RASGEF1B: variants seen among roughly 807,000 people sequenced by gnomAD.
The protein encoded by RASGEF1B is ras-GEF domain-containing family member 1B.
A neutral mutation model predicts 65.7 loss-of-function variants in RASGEF1B; 30 were observed. That is an observed-to-expected ratio of 0.46 (90% CI 0.34 to 0.62). The LOEUF (loss-of-function observed/expected upper bound fraction) is 0.62, where lower values mean the gene tolerates loss of function less well. RASGEF1B is among the 20% of genes least tolerant of loss of function. The pLI is 0.01. For missense variants in RASGEF1B, 495 were observed against 580.1 expected (o/e 0.85, Z 1.51); for synonymous variants, 175 against 194.8 (o/e 0.90, Z 0.85).
At chr4:81,458,272 G>A (rs1722520878) in intron 2 of RASGEF1B, among the ~76,000 whole-genome samples, 1 of 152,184 alleles carries the variant, frequency 6.6e-6, no homozygotes, top group South Asian at 2.1e-4. Context: ...GTGCTTATTT[G>A]TTATAATAAT....
chr4:81,431,441 C>T (rs1721426450), intron 13 of RASGEF1B, among the ~76,000 whole-genome samples: 1 of 152,014 alleles, frequency 6.6e-6, no homozygotes, highest in Non-Finnish European at 1.5e-5. Context: ...GATAAGAATT[C>T]CAATGCCTTC....
At chr4:81,427,958 T>C (rs536377330) in intron 13 of RASGEF1B, among the ~76,000 whole-genome samples, 166 bp from the exon 14 acceptor site, 6 of 152,328 alleles carry the variant, frequency 3.9e-5, no homozygotes, top group Admixed American at 2.0e-4. Flanking sequence ...CTATTGGCTC[T>C]CTGGGAAAAC....
chr4:81,453,506 G>A (rs1722339967), intron 4 of RASGEF1B: 1 of 152,194 alleles, frequency 6.6e-6, no homozygotes, highest in Non-Finnish European at 1.5e-5. Flanking sequence ...GTCTATATGT[G>A]TTCAGTACAG....
intron 10 of RASGEF1B, among the ~76,000 whole-genome samples, chr4:81,438,923 T>G (rs1411736483): frequency 6.6e-6 from 1 of 152,196 alleles, no homozygotes; most frequent in Non-Finnish European, 1.5e-5. Flanking sequence ...TATGGCTGCA[T>G]AGTATTCCAT....
intron 1 of RASGEF1B, among the ~76,000 whole-genome samples, chr4:81,471,423 G>A (rs1723018772): frequency 6.6e-6 from 1 of 152,214 alleles, no homozygotes; most frequent in Non-Finnish European, 1.5e-5. Flanking sequence ...AAGAGGGAAG[G>A]CACAACCCAA....
chr4:81,445,754 CT>C lies in RASGEF1B; in HGVS notation c.813del (p.Glu272LysfsTer14). 1 of 1,613,762 alleles carries C rather than the reference CT, an allele frequency of 6.2e-7. No individual in the cohort carries two copies. Among genetic ancestry groups the C allele is most frequent in the Non-Finnish European group, 8.5e-7 (1 of 1,179,692 alleles). On this transcript the variant is annotated frameshift_variant, in exon 7 of 14. Coordinates refer to ENST00000264400, the MANE Select transcript of RASGEF1B (RefSeq NM_152545.3). LOFTEE classifies it high-confidence loss of function. ...WFNRLSYLVA[T>X]EICMPVKKKH... Reference sequence around the variant, plus strand: ...ATTCATTTCCTCACCATACAGATTTCTGTAGCAACCAAGTAGCTGAGGCGAT... The same window carrying C: ...ATTCATTTCCTCACCATACAGATTTCGTAGCAACCAAGTAGCTGAGGCGAT...
chr4:81,435,360 G>A (rs1272473790), intron 10 of RASGEF1B, among the ~76,000 whole-genome samples: 8 of 140,358 alleles, frequency 5.7e-5, no homozygotes, highest in Middle Eastern at 4.5e-3. Context: ...GCAGTGAGCC[G>A]AGATTGCGCC....
intron 1 of RASGEF1B, among the ~76,000 whole-genome samples, chr4:81,461,431 A>AT (rs985023848): frequency 1.3e-5 from 2 of 152,076 alleles, no homozygotes; most frequent in Non-Finnish European, 2.9e-5. Context: ...TGGAATTGGG[A>AT]TTTTTTTCTT....
At chr4:81,442,872 C>T (rs1444602323) in intron 8 of RASGEF1B, among the ~76,000 whole-genome samples, 1 of 152,204 alleles carries the variant, frequency 6.6e-6, no homozygotes, top group Non-Finnish European at 1.5e-5. Context: ...GCTCACTGGT[C>T]ATAAAGAAAC....
At chr4:81,432,809 C>T (rs1412013089) in intron 12 of RASGEF1B, among the ~76,000 whole-genome samples, 1 of 151,768 alleles carries the variant, frequency 6.6e-6, no homozygotes, top group African/African-American at 2.4e-5. Context: ...TTCCATTCTA[C>T]TAATATTTTT....
intron 10 of RASGEF1B, among the ~76,000 whole-genome samples, chr4:81,439,378 A>T (rs1721758594): frequency 6.6e-6 from 1 of 152,260 alleles, no homozygotes; most frequent in African/African-American, 2.4e-5. Flanking sequence ...TAAAGCAGAC[A>T]TAATTTATTA....
intron 4 of RASGEF1B, chr4:81,454,029 G>A (rs1247639490): frequency 6.6e-6 from 1 of 152,184 alleles, no homozygotes; most frequent in Non-Finnish European, 1.5e-5. Flanking sequence ...TCCTCAGTTA[G>A]AACTGGCTTG....
chr4:81,453,969 C>A (rs146503807), intron 4 of RASGEF1B: 2 of 152,230 alleles, frequency 1.3e-5, no homozygotes, highest in Non-Finnish European at 2.9e-5. Context: ...TGAAACCCAA[C>A]CCGATCAAGG....
intron 2 of RASGEF1B, among the ~76,000 whole-genome samples, chr4:81,458,215 T>C (rs973936948): frequency 6.6e-6 from 1 of 152,244 alleles, no homozygotes; most frequent in African/African-American, 2.4e-5. Context: ...TAACACTATA[T>C]ACTTTTCTTT....
At chr4:81,466,765 A>AG (rs1722828310) in intron 1 of RASGEF1B, among the ~76,000 whole-genome samples, 1 of 133,290 alleles carries the variant, frequency 7.5e-6, no homozygotes, top group Non-Finnish European at 1.6e-5. Flanking sequence ...TGTCAAAAAA[A>AG]AAAAAAAAGA....
chr4:81,435,738 GTGC>G (rs1321970967), intron 10 of RASGEF1B, among the ~76,000 whole-genome samples: 1 of 145,120 alleles, frequency 6.9e-6, no homozygotes, highest in Non-Finnish European at 1.5e-5. Flanking sequence ...GCCTCCCAAA[GTGC>G]TGGGATTACA....
At chr4:81,450,086 A>G (rs528504291) in intron 4 of RASGEF1B, among the ~76,000 whole-genome samples, 3 of 152,198 alleles carry the variant, frequency 2.0e-5, no homozygotes, top group Non-Finnish European at 2.9e-5. Flanking sequence ...AGAAAATGCT[A>G]TTTGGTAATA....
chr4:81,443,915 T>C (rs1721933500), intron 8 of RASGEF1B, among the ~76,000 whole-genome samples: 1 of 152,240 alleles, frequency 6.6e-6, no homozygotes, highest in South Asian at 2.1e-4. Context: ...GAGCCCCACT[T>C]GTTCCACATC....
rs558579518 is a variant in RASGEF1B, at chr4:81,435,746, A to T, written c.1105-1012T>A. Among the ~76,000 whole-genome samples, 5 of 132,172 alleles carry T rather than the reference A, an allele frequency of 3.8e-5. No individual in the cohort carries two copies. The East Asian group carries it at 7.4e-4, about 19-fold the overall frequency. The allele number at this position is 132,172 out of a possible 152,430, so 86.7% of individuals were successfully genotyped here. A position where few individuals can be genotyped will look rare whatever the true frequency, so the allele number is the denominator to read the frequency against. On this transcript the variant is annotated intron_variant, in intron 10 of 13. Coordinates refer to ENST00000264400, the MANE Select transcript of RASGEF1B (RefSeq NM_152545.3). ...CGCCTTGGCCTCCCAAAGTGCTGGG[A>T]TTACAGGCGTGAGCCAACGCGCCTG...
Sources: gnomAD v4.1 joint callset for allele counts (sites outside exome capture counted in the v4.1 genomes callset) on GRCh38, gnomAD v4.1.1 for gene constraint, MANE v1.5 for transcripts, NCBI Gene and HGNC (gene_info 2026-07-23, HGNC 2026-07-21) for gene names.